HDAC4: variants seen among roughly 807,000 people sequenced by gnomAD.
HDAC4 encodes the protein histone deacetylase A.
A neutral mutation model predicts 135.1 loss-of-function variants in HDAC4; 16 were observed. The observed-to-expected ratio is 0.12, with a 90% CI of 0.08 to 0.18. The LOEUF (loss-of-function observed/expected upper bound fraction) is 0.18, where lower values mean the gene tolerates loss of function less well. HDAC4 is among the 10% of genes least tolerant of loss of function. The probability of loss-of-function intolerance (pLI) is 1.00; values close to 1 mark genes in which losing one functional copy is unlikely to be tolerated. For missense variants in HDAC4, 1,143 were observed against 1,511.8 expected, an observed-to-expected ratio of 0.76 and a Z score of 4.05; for synonymous variants, 685 against 653.4, an observed-to-expected ratio of 1.05 and a Z score of -0.74.
Position 239,352,277 on chromosome 2 carries a change from C to G in HDAC4, c.22+401G>C, listed in dbSNP as rs1296966181. On this transcript the variant is annotated intron_variant, in intron 2 of 26. Transcript: ENST00000543185. The surrounding 1 kb of genome is among the most constrained non-coding windows in gnomAD (Gnocchi z 4.4). Reference sequence around the variant, plus strand: ...GTGGGAACATGAGCTTCTTCCCAGACAGCCCAGACGCCCAGTTGGAGGAGC... The same window carrying G: ...GTGGGAACATGAGCTTCTTCCCAGAGAGCCCAGACGCCCAGTTGGAGGAGC... Among the ~76,000 whole-genome samples, 1 of 152,176 alleles carries G rather than the reference C, an allele frequency of 6.6e-6. No homozygotes were observed. The highest frequency in any genetic ancestry group is 1.5e-5 in the Non-Finnish European group (1 of 68,014).
Position 239,120,395 on chromosome 2 carries a change from G to GCACACAGACACACA in HDAC4, c.1534-5099_1534-5086dup, listed in dbSNP as rs1553622832. Among the ~76,000 whole-genome samples the GCACACAGACACACA allele has an allele frequency of 4.2e-3, 608 of 145,308 alleles. 2 individuals are homozygous for GCACACAGACACACA. Among genetic ancestry groups the GCACACAGACACACA allele is most frequent in the South Asian group, 6.8e-3 (30 of 4,406 alleles). On this transcript the variant is annotated intron_variant, in intron 12 of 26. Transcript: ENST00000543185. ...TATACCCGCAGAGGCACACACAGAC[G>GCACACAGACACACA]CACACAGACACACACACACAGACAC... is the stretch of plus-strand genomic sequence containing the variant.
chr2:239,210,889 C>T (rs74000522), intron 3 of HDAC4, among the ~76,000 whole-genome samples: 4,551 of 152,152 alleles, frequency 0.03, 250 homozygotes, highest in African/African-American at 0.1. Flanking sequence ...GGGACAAGGA[C>T]GAAAAAGCAC....
intron 3 of HDAC4, among the ~76,000 whole-genome samples, chr2:239,206,394 GCACACACACACA>G (rs5839729): frequency 6.7e-6 from 1 of 148,764 alleles, no homozygotes; most frequent in Non-Finnish European, 1.5e-5. Context: ...ACACATACGT[GCACACACACACA>G]CACACACACA....
chr2:239,144,775 TTGG>T, intron 7 of HDAC4, 61 bp from the exon 8 acceptor site: 1 of 1,586,882 alleles, frequency 6.3e-7, no homozygotes, highest in East Asian at 2.2e-5. Context: ...GGTTATCCTG[TTGG>T]TGGTTTTTTA....
chr2:239,199,616 C>A (rs1025652398), intron 3 of HDAC4, among the ~76,000 whole-genome samples: 1 of 152,210 alleles, frequency 6.6e-6, no homozygotes, highest in Non-Finnish European at 1.5e-5. Flanking sequence ...GCTCACAGTC[C>A]TGTCCTTGAC....
intron 1 of HDAC4, among the ~76,000 whole-genome samples, chr2:239,385,444 C>A (rs1190300212): frequency 6.6e-6 from 1 of 152,246 alleles, no homozygotes. Context: ...GGAAGCTCTG[C>A]CTCCACCCGG....
At chr2:239,252,200 CA>C (rs2048819035) in intron 2 of HDAC4, among the ~76,000 whole-genome samples, 1 of 152,116 alleles carries the variant, frequency 6.6e-6, no homozygotes, top group South Asian at 2.1e-4. Flanking sequence ...CAGGATCGCC[CA>C]GCATCAAAGC....
At chr2:239,092,065 C>A (rs1271203131) in intron 17 of HDAC4, among the ~76,000 whole-genome samples, 1 of 151,976 alleles carries the variant, frequency 6.6e-6, no homozygotes, top group Non-Finnish European at 1.5e-5. Context: ...AGCCAGACTC[C>A]GTCTCAAAAA....
intron 3 of HDAC4, among the ~76,000 whole-genome samples, chr2:239,191,632 G>A (rs556470235): frequency 7.2e-5 from 11 of 152,350 alleles, no homozygotes; most frequent in South Asian, 2.1e-4. Flanking sequence ...CTGGGTTGCC[G>A]CTTAGCCGTG....
intron 1 of HDAC4, among the ~76,000 whole-genome samples, chr2:239,394,665 G>T (rs1189632667): frequency 2.0e-5 from 3 of 152,240 alleles, no homozygotes; most frequent in East Asian, 1.9e-4. Flanking sequence ...GGGGCAGGGG[G>T]TGTCAGGAAA....
chr2:239,148,064 T>G (rs1330495467), intron 7 of HDAC4, among the ~76,000 whole-genome samples: 1 of 152,142 alleles, frequency 6.6e-6, no homozygotes. Flanking sequence ...CCTGATGCAA[T>G]GTCCAGCGGC....
intron 2 of HDAC4, among the ~76,000 whole-genome samples, chr2:239,294,220 G>C (rs1024216825): frequency 6.6e-6 from 1 of 152,158 alleles, no homozygotes; most frequent in Non-Finnish European, 1.5e-5. Context: ...CAGTGACTCA[G>C]ACAAGGACCG....
intron 1 of HDAC4, among the ~76,000 whole-genome samples, chr2:239,386,120 C>A (rs932368618): frequency 2.4e-4 from 37 of 151,620 alleles, no homozygotes; most frequent in African/African-American, 8.7e-4. Flanking sequence ...GATGCCAGGA[C>A]CAGGGCAGAG....
intron 22 of HDAC4, among the ~76,000 whole-genome samples, chr2:239,074,850 G>A (rs1356275704): frequency 6.6e-6 from 1 of 152,208 alleles, no homozygotes; most frequent in Non-Finnish European, 1.5e-5. Flanking sequence ...GAAGCTGAAG[G>A]AATGTCCCTG....
intron 1 of HDAC4, among the ~76,000 whole-genome samples, chr2:239,372,800 TAC>T (rs779596214): frequency 6.6e-6 from 1 of 151,970 alleles, no homozygotes; most frequent in African/African-American, 2.4e-5. Flanking sequence ...TCCATACACA[TAC>T]ACACACACGC....
In HDAC4 at chr2:239,308,718, A is replaced by G. The variant is rs1165534235; in HGVS notation, c.22+43960T>C. On this transcript the variant is annotated intron_variant, in intron 2 of 26. Transcript: ENST00000543185. The surrounding 1 kb of genome is among the most constrained non-coding windows in gnomAD (Gnocchi z 4.2). ...GTGCAGGGGTTCAGCCGCTGCAGAA[A>G]CTCCGAATCTGCTAACGTGAAGTGC... Among the ~76,000 whole-genome samples the G allele has an allele frequency of 2.0e-5, 3 of 151,988 alleles. No individual in the cohort carries two copies. The highest frequency in any genetic ancestry group is 6.6e-5 in the Admixed American group (1 of 15,258).
At chr2:239,111,274 G>C (rs918591103) in intron 14 of HDAC4, among the ~76,000 whole-genome samples, 1 of 152,252 alleles carries the variant, frequency 6.6e-6, no homozygotes, top group African/African-American at 2.4e-5. Flanking sequence ...AGGAGACCAT[G>C]GGTCTCTGGG....
At chr2:239,264,259 G>A (rs545251303) in intron 2 of HDAC4, among the ~76,000 whole-genome samples, 2 of 152,316 alleles carry the variant, frequency 1.3e-5, no homozygotes, top group South Asian at 2.1e-4. Context: ...CCTCCACTGC[G>A]GAGGAGCAGA....
chr2:239,347,213 A>G (rs1002648343), intron 2 of HDAC4, among the ~76,000 whole-genome samples: 1 of 152,222 alleles, frequency 6.6e-6, no homozygotes, highest in Non-Finnish European at 1.5e-5. Context: ...AAATATAATA[A>G]TCTTGGCGGC....
Sources: gnomAD v4.1 joint callset for allele counts (sites outside exome capture counted in the v4.1 genomes callset) on GRCh38, gnomAD v4.1.1 for gene constraint, Gnocchi (gnomAD v3.1) non-coding constraint, MANE v1.5 for transcripts, NCBI Gene and HGNC (gene_info 2026-07-23, HGNC 2026-07-21) for gene names.